Variants in PPP2R2B observed in about 807,000 individuals in gnomAD.
PPP2R2B encodes protein phosphatase 2 regulatory subunit Bbeta, also known as serine/threonine-protein phosphatase 2A 55 kDa regulatory subunit B beta isoform.
A neutral mutation model predicts 46.0 loss-of-function variants in PPP2R2B; 5 were observed. The observed-to-expected ratio is 0.11, with a 90% CI of 0.06 to 0.23. The LOEUF (loss-of-function observed/expected upper bound fraction) is 0.23, where lower values mean the gene tolerates loss of function less well. Ranked by LOEUF, PPP2R2B falls within the 10% of genes least tolerant of loss-of-function variation. PPP2R2B has a pLI of 1.00. For missense variants in PPP2R2B, 367 were observed against 575.0 expected, an observed-to-expected ratio of 0.64 and a Z score of 3.70; for synonymous variants, 215 against 206.7, an observed-to-expected ratio of 1.04 and a Z score of -0.34.
intron 1 of PPP2R2B, among the ~76,000 whole-genome samples, chr5:146,897,120 C>T (rs113428906): frequency 3.3e-5 from 5 of 152,088 alleles, no homozygotes; most frequent in African/African-American, 7.2e-5. Context: ...ATTAAGTGAA[C>T]GATGCATTTC....
chr5:146,925,965 C>A (rs1763768872), intron 1 of PPP2R2B, among the ~76,000 whole-genome samples: 1 of 152,014 alleles, frequency 6.6e-6, no homozygotes, highest in African/African-American at 2.4e-5. Flanking sequence ...CCTTCAGCTA[C>A]AGAATTTTCA....
intron 1 of PPP2R2B, among the ~76,000 whole-genome samples, chr5:146,918,958 T>G (rs921663775): frequency 2.0e-5 from 3 of 152,256 alleles, no homozygotes; most frequent in African/African-American, 7.2e-5. Context: ...CCGTGTCTAC[T>G]AATTCACAGT....
upstream of PPP2R2B, chr5:147,056,021 G>C: frequency 8.0e-7 from 1 of 1,249,744 alleles, no homozygotes; most frequent in Middle Eastern, 3.3e-4. Flanking sequence ...CTCTGAACAG[G>C]ATTTGCTGAG....
At chr5:146,715,222 T>C (rs3851489) in intron 2 of PPP2R2B, among the ~76,000 whole-genome samples, 29,418 of 152,090 alleles carry the variant, frequency 0.19, 2,934 homozygotes, top group East Asian at 0.36. Context: ...GATTTGTAGA[T>C]CTCCCTTCCA....
chr5:146,916,997 C>T lies in PPP2R2B; in HGVS notation c.79+138668G>A, dbSNP rs547724353. 4.6e-5 allele frequency among the ~76,000 whole-genome samples: 7 copies of T among 151,862 alleles called. No individual in the cohort carries two copies. In the East Asian group the frequency reaches 9.7e-4, roughly 21 times the overall value. On this transcript the variant is annotated intron_variant, in intron 1 of 8. Coordinates refer to the PPP2R2B transcript ENST00000336640. ...GGTATTTTTGTGAGAAGTAAGAAAA[C>T]GAAGGTAAAGTACATAATGTGTGGC... is the stretch of plus-strand genomic sequence containing the variant.
At chr5:146,634,728 A>G (rs955785991) in intron 7 of PPP2R2B, among the ~76,000 whole-genome samples, 1 of 151,532 alleles carries the variant, frequency 6.6e-6, no homozygotes, top group Non-Finnish European at 1.5e-5. Flanking sequence ...CTTCATAACC[A>G]TGTGATCTCA....
intron 7 of PPP2R2B, among the ~76,000 whole-genome samples, chr5:146,625,101 T>C (rs1773958622): frequency 6.6e-6 from 1 of 152,238 alleles, no homozygotes. Context: ...TAAGTAGCAG[T>C]TGATTACCTT....
In PPP2R2B at chr5:146,692,203, T is replaced by C. The variant is rs79021817; in HGVS notation, c.335-963A>G. ...GTAGGGCAAATGAACAAATCTCATCTACCTGCATAGTACATATTTCTAGCA... is the reference window on the plus strand; with the variant it reads ...GTAGGGCAAATGAACAAATCTCATCCACCTGCATAGTACATATTTCTAGCA... On this transcript the variant is annotated intron_variant, in intron 4 of 9. Coordinates refer to ENST00000394411, the MANE Select transcript of PPP2R2B (RefSeq NM_181675.4). Among the ~76,000 whole-genome samples the C allele has an allele frequency of 4.0e-3, 604 of 152,324 alleles. 4 individuals are homozygous for C. The highest frequency in any genetic ancestry group is 0.014 in the African/African-American group (569 of 41,576).
intron 2 of PPP2R2B, among the ~76,000 whole-genome samples, chr5:146,806,115 A>G (rs1757161443): frequency 6.6e-6 from 1 of 152,186 alleles, no homozygotes; most frequent in South Asian, 2.1e-4. Context: ...TGAGTGTGCC[A>G]CTGAACATAT....
chr5:147,065,484 A>G (rs986094260), intron 2 of PPP2R2B, among the ~76,000 whole-genome samples: 3 of 152,078 alleles, frequency 2.0e-5, no homozygotes, highest in Admixed American at 6.6e-5. Flanking sequence ...GAGGCGAGTG[A>G]CATATGTACA....
At chr5:147,032,669 C>T (rs1439168031) in intron 1 of PPP2R2B, among the ~76,000 whole-genome samples, 1 of 152,194 alleles carries the variant, frequency 6.6e-6, no homozygotes, top group African/African-American at 2.4e-5. Flanking sequence ...ATCCAGATCA[C>T]TGCAAATGCT....
chr5:147,013,122 C>T (rs1251641151), intron 1 of PPP2R2B, among the ~76,000 whole-genome samples: 9 of 148,384 alleles, frequency 6.1e-5, no homozygotes, highest in African/African-American at 2.2e-4. Flanking sequence ...CAGGAGTGAA[C>T]TCCCATTCAC....
At chr5:146,597,997 A>T (rs1200873200) in intron 8 of PPP2R2B, among the ~76,000 whole-genome samples, 1 of 152,222 alleles carries the variant, frequency 6.6e-6, no homozygotes, top group Non-Finnish European at 1.5e-5. Context: ...TATTCCTATC[A>T]GCAGAAAACA....
At chr5:146,656,446 A>T (rs919662968) in intron 5 of PPP2R2B, 4 of 151,948 alleles carry the variant, frequency 2.6e-5, no homozygotes, top group Non-Finnish European at 4.4e-5. Context: ...TGCACTGGTG[A>T]TTCACAGGCA....
rs114855077 is a variant in PPP2R2B, at chr5:147,010,708, G to T, written c.79+44957C>A. Among the ~76,000 whole-genome samples, 765 of 152,248 alleles carry T rather than the reference G, an allele frequency of 5.0e-3. 3 individuals are homozygous for T. The highest frequency in any genetic ancestry group is 0.017 in the African/African-American group (725 of 41,546). On this transcript the variant is annotated intron_variant, in intron 1 of 8. Coordinates refer to the PPP2R2B transcript ENST00000336640. ...CCCGCCGCTCACCTACTGCCCTCCTGCTGTGTGGCCCAGTTCTTAACAGGC... is the reference window on the plus strand; with the variant it reads ...CCCGCCGCTCACCTACTGCCCTCCTTCTGTGTGGCCCAGTTCTTAACAGGC...
intron 2 of PPP2R2B, among the ~76,000 whole-genome samples, chr5:146,761,511 T>C (rs182992204): frequency 3.3e-5 from 5 of 152,194 alleles, no homozygotes; most frequent in South Asian, 2.1e-4. Flanking sequence ...CTGGGGACTG[T>C]TGTGGGGTGT....
intron 1 of PPP2R2B, among the ~76,000 whole-genome samples, chr5:147,023,155 T>C (rs1295683492): frequency 6.6e-6 from 1 of 152,036 alleles, no homozygotes; most frequent in Admixed American, 6.6e-5. Flanking sequence ...ATAATAACAA[T>C]CAGAAAGGGA....
chr5:146,993,254 T>A (rs1023125140), intron 1 of PPP2R2B, among the ~76,000 whole-genome samples: 2 of 125,600 alleles, frequency 1.6e-5, no homozygotes, highest in East Asian at 2.4e-4. Flanking sequence ...TAGAAAAAAA[T>A]TTTTTTGAGA....
intron 2 of PPP2R2B, among the ~76,000 whole-genome samples, chr5:146,821,929 A>G (rs992496994): frequency 8.5e-5 from 13 of 152,218 alleles, no homozygotes; most frequent in Non-Finnish European, 1.8e-4. Flanking sequence ...CATTTTACCA[A>G]TGGCAAAATA....
Sources: gnomAD v4.1 joint callset for allele counts (sites outside exome capture counted in the v4.1 genomes callset) on GRCh38, gnomAD v4.1.1 for gene constraint, MANE v1.5 for transcripts, NCBI Gene and HGNC (gene_info 2026-07-23, HGNC 2026-07-21) for gene names.